NRXN1: variants seen among roughly 807,000 people sequenced by gnomAD.
NRXN1 encodes neurexin-1.
NRXN1 carries 39 observed loss-of-function variants against 150.9 expected under a neutral mutation model. The ratio of observed to expected loss-of-function variants is 0.26; its 90% CI spans 0.20 to 0.34. NRXN1 has a LOEUF of 0.34. Among genes scored for constraint, NRXN1 ranks in the 10% least tolerant of loss-of-function variants. The pLI is 1.00. For missense variants in NRXN1, 1,815 were observed against 1,949.9 expected (o/e 0.93, Z 1.30); for synonymous variants, 924 against 757.0 (o/e 1.22, Z -3.62).
intron 2 of NRXN1, among the ~76,000 whole-genome samples, chr2:51,006,699 G>T (rs1405390181): frequency 6.6e-6 from 1 of 151,874 alleles, no homozygotes; most frequent in Non-Finnish European, 1.5e-5. Flanking sequence ...TTAGTTTCCA[G>T]CCTGTTTAAC....
intron 5 of NRXN1, among the ~76,000 whole-genome samples, chr2:50,628,858 G>GA (rs771403646): frequency 2.6e-5 from 4 of 151,230 alleles, no homozygotes; most frequent in South Asian, 2.1e-4. Context: ...AAGCCAATGG[G>GA]AAAAAAATGA....
chr2:51,006,636 T>C (rs183439690), intron 2 of NRXN1, among the ~76,000 whole-genome samples: 169 of 152,058 alleles, frequency 1.1e-3, no homozygotes, highest in African/African-American at 3.9e-3. Flanking sequence ...GTACACCACA[T>C]ACTCAAAAGG....
At chr2:50,993,464 C>T (rs145781128) in intron 2 of NRXN1, among the ~76,000 whole-genome samples, 6 of 151,876 alleles carry the variant, frequency 4.0e-5, no homozygotes, top group African/African-American at 1.4e-4. Context: ...GCCATTCACC[C>T]TTTCCCTTCT....
At chr2:50,154,879 G>T (rs1021837525) in intron 18 of NRXN1, among the ~76,000 whole-genome samples, 2 of 151,374 alleles carry the variant, frequency 1.3e-5, no homozygotes, top group Non-Finnish European at 3.0e-5. Flanking sequence ...AGAAAAAAAA[G>T]CATTTAAATG....
intron 2 of NRXN1, among the ~76,000 whole-genome samples, chr2:50,935,474 ATTATAATCTCAGCAC>A (rs1204983939): frequency 6.6e-6 from 1 of 152,122 alleles, no homozygotes; most frequent in Non-Finnish European, 1.5e-5. Context: ...GCTCAGGCCT[ATTATAATCTCAGCAC>A]TTCGGGAGGC....
At chr2:50,600,321 C>CTTTTT (rs779234312) in intron 8 of NRXN1, among the ~76,000 whole-genome samples, 5 of 120,232 alleles carry the variant, frequency 4.2e-5, no homozygotes, top group Non-Finnish European at 8.6e-5. Context: ...TTAAGACTAG[C>CTTTTT]TTTTTTTTTT....
Position 50,798,593 on chromosome 2 carries a change from G to A in NRXN1, c.832+123276C>T, listed in dbSNP as rs189512000. ...GAAAGCTTTAGGAGGCAAATTTAAA[G>A]AAGGAGAACATTCTCCCTGCAATAT... On this transcript the variant is annotated intron_variant, in intron 5 of 22. Transcript: ENST00000401669. Among the ~76,000 whole-genome samples, 264 of 152,218 alleles carry A rather than the reference G, an allele frequency of 1.7e-3. 4 individuals carry two copies. The highest frequency in any genetic ancestry group is 0.015 in the Admixed American group (233 of 15,266).
intron 2 of NRXN1, among the ~76,000 whole-genome samples, chr2:50,995,021 T>C (rs577682494): frequency 2.2e-4 from 33 of 151,968 alleles, no homozygotes; most frequent in Non-Finnish European, 4.0e-4. Flanking sequence ...GGTAATAACA[T>C]TGAATATAAA....
intron 5 of NRXN1, among the ~76,000 whole-genome samples, chr2:50,664,577 G>A (rs1050923156): frequency 6.6e-6 from 1 of 151,742 alleles, no homozygotes. Context: ...TGATTCGCTT[G>A]AAAAATTTAG....
intron 5 of NRXN1, among the ~76,000 whole-genome samples, chr2:50,656,033 C>CA (rs1411272005): frequency 1.3e-4 from 19 of 151,962 alleles, no homozygotes; most frequent in Admixed American, 1.2e-3. Context: ...ACAAATCTGT[C>CA]AGTTGTACCA....
intron 8 of NRXN1, among the ~76,000 whole-genome samples, chr2:50,579,143 G>T (rs773256130): frequency 6.6e-6 from 1 of 152,130 alleles, no homozygotes; most frequent in Admixed American, 6.6e-5. Flanking sequence ...TGGGTAGAGC[G>T]AAATGAGGCG....
chr2:50,657,280 TA>T (rs1236702784), intron 5 of NRXN1, among the ~76,000 whole-genome samples: 3 of 152,042 alleles, frequency 2.0e-5, no homozygotes, highest in Non-Finnish European at 4.4e-5. Flanking sequence ...CTCTGCCTGC[TA>T]AATTCCTCTC....
intron 5 of NRXN1, among the ~76,000 whole-genome samples, chr2:50,776,054 A>G (rs1297996047): frequency 6.6e-6 from 1 of 152,134 alleles, no homozygotes; most frequent in Non-Finnish European, 1.5e-5. Context: ...GGGCCATTTA[A>G]AATCATTCTA....
chr2:49,939,318 C>T (rs755341359), intron 22 of NRXN1, among the ~76,000 whole-genome samples: 4 of 152,158 alleles, frequency 2.6e-5, no homozygotes, highest in Non-Finnish European at 5.9e-5. Flanking sequence ...GTCTACGCTT[C>T]TTAAACTGGG....
At chr2:50,775,500 G>C (rs1333365150) in intron 5 of NRXN1, among the ~76,000 whole-genome samples, 2 of 152,140 alleles carry the variant, frequency 1.3e-5, no homozygotes, top group African/African-American at 2.4e-5. Flanking sequence ...AAATGTTAGA[G>C]TTTTTATTCC....
At chr2:50,468,318 A>G (rs371264811) in intron 16 of NRXN1, among the ~76,000 whole-genome samples, 5 of 151,784 alleles carry the variant, frequency 3.3e-5, no homozygotes, top group Admixed American at 1.3e-4. Flanking sequence ...CCAAGCTTCT[A>G]TGTAAGCATA....
chr2:50,132,856 C>CT (rs70946891), intron 18 of NRXN1, among the ~76,000 whole-genome samples: 5,684 of 142,432 alleles, frequency 0.04, 305 homozygotes, highest in African/African-American at 0.12. Context: ...GATTTAGGGT[C>CT]TTTTTTTTTT....
At chr2:50,022,550 G>T (rs1687726705) in intron 21 of NRXN1, 2 of 152,144 alleles carry the variant, frequency 1.3e-5, no homozygotes, top group African/African-American at 4.8e-5. Flanking sequence ...CCAATTCAAA[G>T]TTCTTGTGAA....
chr2:50,254,144 A>C (rs2067447930), intron 17 of NRXN1, among the ~76,000 whole-genome samples: 1 of 151,764 alleles, frequency 6.6e-6, no homozygotes, highest in Non-Finnish European at 1.5e-5. Context: ...TAGTCTTGGG[A>C]GGGTGTATGT....
Sources: gnomAD v4.1 joint callset for allele counts (sites outside exome capture counted in the v4.1 genomes callset) on GRCh38, gnomAD v4.1.1 for gene constraint, MANE v1.5 for transcripts, NCBI Gene and HGNC (gene_info 2026-07-23, HGNC 2026-07-21) for gene names.